CHCHD6: variants seen among roughly 807,000 people sequenced by gnomAD.
CHCHD6 encodes coiled-coil-helix-coiled-coil-helix domain containing 6.
A neutral mutation model predicts 32.3 loss-of-function variants in CHCHD6; 28 were observed. That is an observed-to-expected ratio of 0.87 (90% CI 0.64 to 1.19). The LOEUF is 1.19. Among genes scored for constraint, CHCHD6 ranks in the 50% most tolerant of loss-of-function variants. The pLI is 0.00. For missense variants in CHCHD6, 333 were observed against 307.0 expected (o/e 1.08, Z -0.63); for synonymous variants, 122 against 117.5 (o/e 1.04, Z -0.25).
rs1379947664 is a variant in CHCHD6 at position 126,733,143 on chromosome 3, C to T, written c.332C>T (p.Ala111Val). The change falls in exon 4 of 8, where the codon GCT becomes GTT. Residue 111 changes from alanine (A) to valine (V), a missense_variant. Physicochemically the swap from Ala to Val is moderately conservative, Grantham distance 64. Transcript: ENST00000290913. ...LFQVAKRERE[A>V]ATKHSKASLP... ...CAGGTGGCAAAGAGGGAAAGAGAGG[C>T]TGCCACCAAGCACTCCAAGGCATCC... The T allele has an allele frequency of 6.2e-7, 1 of 1,614,108 alleles. No homozygotes were observed. The highest frequency in any genetic ancestry group is 8.5e-7 in the Non-Finnish European group (1 of 1,179,934).
chr3:126,779,895 C>CT (rs764458039), intron 4 of CHCHD6, among the ~76,000 whole-genome samples: 52 of 152,302 alleles, frequency 3.4e-4, no homozygotes, highest in Non-Finnish European at 6.2e-4. Context: ...TTTATCTTTA[C>CT]TTCTCTTTAG....
chr3:126,821,235 G>A lies in CHCHD6; in HGVS notation c.412-31412G>A, dbSNP rs924052079. 5.3e-5 allele frequency among the ~76,000 whole-genome samples: 8 copies of A among 152,274 alleles called. No homozygotes were observed. In the South Asian group the frequency reaches 1.0e-3, roughly 20 times the overall value. On this transcript the variant is annotated intron_variant, in intron 4 of 7. Coordinates refer to ENST00000290913, the MANE Select transcript of CHCHD6 (RefSeq NM_032343.3). ...TATTTTTTCCATTTGCCAATCGATG[G>A]ACATTTGGGTTGTTTAAGAACATTT...
intron 5 of CHCHD6, among the ~76,000 whole-genome samples, chr3:126,893,102 G>T (rs1401938311): frequency 6.6e-6 from 1 of 151,936 alleles, no homozygotes; most frequent in Non-Finnish European, 1.5e-5. Context: ...CCAAGTAGCT[G>T]GGATTACAGG....
rs1231182372 is a variant in CHCHD6 at position 126,943,001 on chromosome 3, AT to A, written c.567-14414del. Reference sequence around the variant, plus strand: ...TAGGGCTCTCTCTCTCTCCTTTTCCATGTGTAAATCTCCCTTCTCATAGAGC... The same window carrying A: ...TAGGGCTCTCTCTCTCTCCTTTTCCAGTGTAAATCTCCCTTCTCATAGAGC... On this transcript the variant is annotated intron_variant, in intron 6 of 7. Coordinates refer to ENST00000290913, the MANE Select transcript of CHCHD6 (RefSeq NM_032343.3). Among the ~76,000 whole-genome samples, 6 of 152,056 alleles carry A rather than the reference AT, an allele frequency of 3.9e-5. No individual in the cohort carries two copies. The East Asian group carries it at 1.2e-3, about 29-fold the overall frequency.
At chr3:126,808,042 T>C (rs1213705047) in intron 4 of CHCHD6, among the ~76,000 whole-genome samples, 2 of 152,236 alleles carry the variant, frequency 1.3e-5, no homozygotes, top group Non-Finnish European at 2.9e-5. Flanking sequence ...ACAGTTTTTG[T>C]GGGCATAGCT....
At chr3:126,704,866 C>G (rs1469618970) in intron 1 of CHCHD6, among the ~76,000 whole-genome samples, 1 of 152,206 alleles carries the variant, frequency 6.6e-6, no homozygotes, top group Non-Finnish European at 1.5e-5. Context: ...TAGCTCAGAT[C>G]TGATCCCCTT....
intron 5 of CHCHD6, among the ~76,000 whole-genome samples, chr3:126,873,030 C>T (rs1161123452): frequency 6.6e-6 from 1 of 152,232 alleles, no homozygotes; most frequent in Non-Finnish European, 1.5e-5. Context: ...GGGACAGCTG[C>T]TTTTGCTACT....
intron 5 of CHCHD6, among the ~76,000 whole-genome samples, chr3:126,867,775 G>A (rs1040846173): frequency 6.6e-6 from 1 of 152,172 alleles, no homozygotes; most frequent in African/African-American, 2.4e-5. Flanking sequence ...ACATCATTGA[G>A]CTAATGTCTC....
intron 4 of CHCHD6, among the ~76,000 whole-genome samples, chr3:126,786,267 G>A (rs1938207724): frequency 6.6e-6 from 1 of 152,204 alleles, no homozygotes; most frequent in African/African-American, 2.4e-5. Flanking sequence ...TTGCTATTGT[G>A]AATGGTGCCG....
intron 4 of CHCHD6, among the ~76,000 whole-genome samples, chr3:126,779,502 A>G (rs150543625): frequency 0.011 from 1,519 of 141,520 alleles, 13 homozygotes; most frequent in Non-Finnish European, 0.015. Context: ...GCTCCACTGC[A>G]CTCCATCCTG....
chr3:126,835,769 C>G (rs919157091), intron 4 of CHCHD6, among the ~76,000 whole-genome samples: 1 of 152,204 alleles, frequency 6.6e-6, no homozygotes, highest in African/African-American at 2.4e-5. Context: ...CTCTGCTTTA[C>G]CCGACTCTTG....
intron 5 of CHCHD6, among the ~76,000 whole-genome samples, chr3:126,895,776 C>A (rs1207008263): frequency 6.6e-6 from 1 of 152,232 alleles, no homozygotes; most frequent in Admixed American, 6.5e-5. Context: ...TTGCTTCTGG[C>A]ATCCTGCCAT....
At chr3:126,812,319 T>G (rs909942024) in intron 4 of CHCHD6, among the ~76,000 whole-genome samples, 1 of 151,246 alleles carries the variant, frequency 6.6e-6, no homozygotes, top group African/African-American at 2.4e-5. Flanking sequence ...ATGTGTGTTT[T>G]TTTTTTTTTT....
At chr3:126,784,862 C>T (rs779063262) in intron 4 of CHCHD6, among the ~76,000 whole-genome samples, 3 of 151,946 alleles carry the variant, frequency 2.0e-5, no homozygotes, top group Non-Finnish European at 2.9e-5. Context: ...ATTGTCATTC[C>T]TTTTGCTTGT....
chr3:126,900,645 C>T (rs2077911544), intron 5 of CHCHD6, among the ~76,000 whole-genome samples: 1 of 130,652 alleles, frequency 7.7e-6, no homozygotes, highest in Non-Finnish European at 1.5e-5. Context: ...GCTCTTGTTG[C>T]CCAGGCTGGA....
chr3:126,819,149 CG>C (rs34695169), intron 4 of CHCHD6, among the ~76,000 whole-genome samples: 4 of 152,158 alleles, frequency 2.6e-5, no homozygotes, highest in Non-Finnish European at 5.9e-5. Context: ...GATGGAAAGG[CG>C]GGGTTGTAAG....
chr3:126,832,664 T>C (rs894347003), intron 4 of CHCHD6, among the ~76,000 whole-genome samples: 9 of 152,290 alleles, frequency 5.9e-5, no homozygotes, highest in African/African-American at 1.9e-4. Flanking sequence ...TTTTGGTTCT[T>C]AGAATTGCTG....
chr3:126,840,915 T>A (rs1043468698), intron 4 of CHCHD6, among the ~76,000 whole-genome samples: 1 of 151,982 alleles, frequency 6.6e-6, no homozygotes, highest in Non-Finnish European at 1.5e-5. Flanking sequence ...TTATTATACT[T>A]TAAGTTTTAG....
chr3:126,915,326 C>T (rs2078153440), intron 6 of CHCHD6, among the ~76,000 whole-genome samples: 1 of 152,212 alleles, frequency 6.6e-6, no homozygotes, highest in Non-Finnish European at 1.5e-5. Context: ...CCTATGCTGT[C>T]CATTGAGGAC....
Sources: allele counts gnomAD v4.1 joint callset (sites outside exome capture counted in the v4.1 genomes callset), GRCh38; gene constraint gnomAD v4.1.1; transcripts MANE v1.5; gene names NCBI Gene and HGNC (gene_info 2026-07-23, HGNC 2026-07-21).